Variants in MBD5 observed in about 807,000 individuals in gnomAD.
MBD5 encodes the protein methyl-CpG-binding domain protein 5.
MBD5 carries 13 observed loss-of-function variants against 117.3 expected under a neutral mutation model. The ratio of observed to expected loss-of-function variants is 0.11; its 90% CI spans 0.07 to 0.18. The LOEUF (loss-of-function observed/expected upper bound fraction) is 0.18, where lower values mean the gene tolerates loss of function less well. Ranked by LOEUF, MBD5 falls within the 10% of genes least tolerant of loss-of-function variation. MBD5 has a pLI of 1.00. For missense variants in MBD5, 1,879 were observed against 2,093.8 expected, an observed-to-expected ratio of 0.90 and a Z score of 2.00; for synonymous variants, 727 against 766.4, an observed-to-expected ratio of 0.95 and a Z score of 0.85.
Position 148,469,284 on chromosome 2 carries a change from G to A in MBD5, c.1341G>A (p.Gly447=), listed in dbSNP as rs886044445. The change falls in exon 8 of 14, where the codon GGG becomes GGA. Residue 447 remains glycine, a synonymous_variant. Transcript: ENST00000642680. ...SPVTSPVHMM[G]TGIGRIEASP... ...TGACATCCCCCGTGCACATGATGGGGACTGGAATTGGAAGGATTGAGGCAT... is the reference window on the plus strand; with the variant it reads ...TGACATCCCCCGTGCACATGATGGGAACTGGAATTGGAAGGATTGAGGCAT... 2 of 1,613,850 alleles carry A rather than the reference G, an allele frequency of 1.2e-6. No individual in the cohort carries two copies. Among genetic ancestry groups the A allele is most frequent in the African/African-American group, 1.3e-5 (1 of 74,994 alleles).
At chr2:148,184,446 C>T (rs1246051091) in intron 2 of MBD5, among the ~76,000 whole-genome samples, 1 of 152,004 alleles carries the variant, frequency 6.6e-6, no homozygotes, top group Non-Finnish European at 1.5e-5. Context: ...CATTAATTTA[C>T]TCCTCATTTA....
intron 1 of MBD5, among the ~76,000 whole-genome samples, chr2:148,145,016 C>T (rs917861900): frequency 1.4e-4 from 22 of 152,136 alleles, no homozygotes; most frequent in Middle Eastern, 3.4e-3. Flanking sequence ...GGGATGGCAT[C>T]GAATCTATAA....
intron 6 of MBD5, among the ~76,000 whole-genome samples, chr2:148,463,294 TAAAAC>T (rs1707153214): frequency 6.6e-6 from 1 of 152,154 alleles, no homozygotes; most frequent in Non-Finnish European, 1.5e-5. Context: ...TAAATAAATT[TAAAAC>T]AAAACAAGTA....
intron 4 of MBD5, among the ~76,000 whole-genome samples, chr2:148,455,557 T>C (rs1706855380): frequency 6.6e-6 from 1 of 152,144 alleles, no homozygotes; most frequent in African/African-American, 2.4e-5. Flanking sequence ...GTAATAGTGA[T>C]GTTTGTCCCA....
chr2:148,341,351 GTTCTCT>G (rs1702941841), intron 3 of MBD5, among the ~76,000 whole-genome samples: 1 of 147,430 alleles, frequency 6.8e-6, no homozygotes, highest in Admixed American at 6.7e-5. Flanking sequence ...TTTTTTTCTT[GTTCTCT>G]TTTTGAGATT....
At chr2:148,169,902 T>G (rs1383448834) in intron 1 of MBD5, among the ~76,000 whole-genome samples, 1 of 1,090 alleles carries the variant, frequency 9.2e-4, no homozygotes, top group Non-Finnish European at 0.029. Flanking sequence ...GGATTCTTCT[T>G]TTTTTTTTTT....
At chr2:148,188,618 G>C (rs1698731249) in intron 2 of MBD5, among the ~76,000 whole-genome samples, 1 of 150,812 alleles carries the variant, frequency 6.6e-6, no homozygotes, top group Non-Finnish European at 1.5e-5. Context: ...AGGAGGTTGA[G>C]GCTGCAGTGA....
At chr2:148,160,162 G>T (rs925538227) in intron 1 of MBD5, among the ~76,000 whole-genome samples, 8 of 152,206 alleles carry the variant, frequency 5.3e-5, no homozygotes, top group Non-Finnish European at 8.8e-5. Context: ...CACTTTGGGA[G>T]GCCGAGGCGG....
chr2:148,461,444 A>C lies in MBD5; in HGVS notation c.114-1138A>C, dbSNP rs140890961. Among the ~76,000 whole-genome samples the C allele has an allele frequency of 2.6e-5, 4 of 152,322 alleles. No individual in the cohort carries two copies. In the East Asian group the frequency reaches 7.7e-4, roughly 29 times the overall value. ...CATAAGTGTCCATAAATAAAATATGAATTGCATTTTAAAGCTAGTTCACTA... is the reference window on the plus strand; with the variant it reads ...CATAAGTGTCCATAAATAAAATATGCATTGCATTTTAAAGCTAGTTCACTA... On this transcript the variant is annotated intron_variant, in intron 5 of 13. Coordinates refer to ENST00000642680, the MANE Select transcript of MBD5 (RefSeq NM_001378120.1).
At chr2:148,269,444 A>G (rs1700932420) in intron 3 of MBD5, among the ~76,000 whole-genome samples, 1 of 151,780 alleles carries the variant, frequency 6.6e-6, no homozygotes, top group Non-Finnish European at 1.5e-5. Context: ...AAGTCCTTGT[A>G]TTTCTAGAAA....
At chr2:148,472,876 T>C (rs960773682) in intron 8 of MBD5, among the ~76,000 whole-genome samples, 21 of 152,192 alleles carry the variant, frequency 1.4e-4, no homozygotes, top group African/African-American at 4.8e-4. Context: ...TTTTCTAAAG[T>C]ATAAAGTATT....
At position 148,396,871 on chromosome 2, in the gene MBD5, C is replaced by G. The variant is rs181330721; in HGVS notation, c.-557+54535C>G. 6.6e-5 allele frequency among the ~76,000 whole-genome samples: 10 copies of G among 152,316 alleles called. 1 individual carries two copies. In the South Asian group the frequency reaches 8.3e-4, roughly 13 times the overall value. On this transcript the variant is annotated intron_variant, in intron 4 of 13. Coordinates refer to ENST00000642680, the MANE Select transcript of MBD5 (RefSeq NM_001378120.1). ...AATGGGTCTCCAATATTGCCTGTGT[C>G]AGTTCCCTTAAACCTTGCCCATGTC... is the stretch of plus-strand genomic sequence containing the variant.
At chr2:148,347,633 CA>C (rs986062065) in intron 4 of MBD5, 7 of 151,836 alleles carry the variant, frequency 4.6e-5, no homozygotes, top group African/African-American at 1.7e-4. Flanking sequence ...ATCCAAAAGG[CA>C]CAGTAAGCGC....
At chr2:148,183,407 A>T (rs1698575373) in intron 2 of MBD5, among the ~76,000 whole-genome samples, 1 of 152,098 alleles carries the variant, frequency 6.6e-6, no homozygotes, top group South Asian at 2.1e-4. Context: ...AAATAAATGA[A>T]ATAGTAATTA....
At chr2:148,448,039 G>A (rs1706620366) in intron 4 of MBD5, among the ~76,000 whole-genome samples, 1 of 152,056 alleles carries the variant, frequency 6.6e-6, no homozygotes. Context: ...GATTTCTGTG[G>A]CTGCTACATT....
chr2:148,383,946 G>C (rs1704250199), intron 4 of MBD5, among the ~76,000 whole-genome samples: 1 of 152,096 alleles, frequency 6.6e-6, no homozygotes, highest in Non-Finnish European at 1.5e-5. Context: ...CATTAGGTAT[G>C]GATGGGATGT....
chr2:148,314,238 T>C (rs894561506), intron 3 of MBD5, among the ~76,000 whole-genome samples: 2 of 151,962 alleles, frequency 1.3e-5, no homozygotes, highest in African/African-American at 4.8e-5. Flanking sequence ...ATACGCTTCC[T>C]CATACTATAG....
At chr2:148,144,713 C>T (rs1697406475) in intron 1 of MBD5, among the ~76,000 whole-genome samples, 1 of 152,092 alleles carries the variant, frequency 6.6e-6, no homozygotes, top group South Asian at 2.1e-4. Flanking sequence ...GAATCCTTTC[C>T]CCATTTCTTG....
chr2:148,134,553 T>C (rs1181858215), intron 1 of MBD5, among the ~76,000 whole-genome samples: 1 of 152,206 alleles, frequency 6.6e-6, no homozygotes, highest in East Asian at 1.9e-4. Context: ...CCTACAAGTA[T>C]GCTTTATTCT....
Sources: gnomAD v4.1 joint callset for allele counts (sites outside exome capture counted in the v4.1 genomes callset) on GRCh38, gnomAD v4.1.1 for gene constraint, MANE v1.5 for transcripts, NCBI Gene and HGNC (gene_info 2026-07-23, HGNC 2026-07-21) for gene names.